Variants in BICDL1 observed in about 807,000 individuals in gnomAD.
The protein encoded by BICDL1 is BICD family like cargo adaptor 1, also known as BICD family-like cargo adapter 1.
BICDL1 carries 20 observed loss-of-function variants against 76.8 expected under a neutral mutation model. The observed-to-expected ratio is 0.26, with a 90% CI of 0.18 to 0.38. The LOEUF (loss-of-function observed/expected upper bound fraction) is 0.38. Ranked by LOEUF, BICDL1 falls within the 10% of genes least tolerant of loss-of-function variation. The pLI, the probability that BICDL1 is intolerant of heterozygous loss-of-function variation, is 1.00. For synonymous variants in BICDL1, 383 were observed against 337.1 expected (o/e 1.14, Z -1.49); for missense variants, 700 against 798.6 (o/e 0.88, Z 1.49).
intron 7 of BICDL1, 110 bp from the exon 8 acceptor site, chr12:120,080,777 C>G: frequency 8.2e-7 from 1 of 1,220,928 alleles, no homozygotes; most frequent in South Asian, 1.5e-5. Context: ...CAGCTTGCAC[C>G]CCCACACATG....
chr12:119,999,842 A>C (rs1165489401), intron 2 of BICDL1: 2 of 431,370 alleles, frequency 4.6e-6, no homozygotes, highest in African/African-American at 2.1e-5. Flanking sequence ...CAGTTACCGG[A>C]GGAAAAAGAA....
At position 119,990,303 on chromosome 12, in the gene BICDL1, G is replaced by A. The variant is rs1288054020; in HGVS notation, c.429+6G>A. 1 of 1,557,428 alleles carries A rather than the reference G, an allele frequency of 6.4e-7. No homozygotes were observed. The highest frequency in any genetic ancestry group is 8.7e-7 in the Non-Finnish European group (1 of 1,151,390). ...AGCTGACAGACAAGCTCGAGGTGAG[G>A]ACCTCCCTCCAGGGATGGGTGGGGA... On this transcript the variant is annotated splice_donor_region_variant and intron_variant, in intron 1 of 9. Coordinates refer to ENST00000548673, the MANE Select transcript of BICDL1 (RefSeq NM_001367886.1).
Position 120,061,510 on chromosome 12 carries a change from G to T in BICDL1, c.646-200G>T, listed in dbSNP as rs1025740565. Among the ~76,000 whole-genome samples, 4 of 151,874 alleles carry T rather than the reference G, an allele frequency of 2.6e-5. No homozygotes were observed. In the East Asian group the frequency reaches 5.8e-4, roughly 22 times the overall value. ...AGTAGAGTGGTCTTGCACCTATTCA[G>T]GGTCATTAATGGTAGAGGTGGGGGT... On this transcript the variant is annotated intron_variant, in intron 2 of 9. Coordinates refer to ENST00000548673, the MANE Select transcript of BICDL1 (RefSeq NM_001367886.1).
intron 4 of BICDL1, among the ~76,000 whole-genome samples, chr12:120,065,425 G>A (rs1953199625): frequency 6.6e-6 from 1 of 152,118 alleles, no homozygotes; most frequent in African/African-American, 2.4e-5. Context: ...TCTTTCTGAA[G>A]GAAATTGCTT....
intron 2 of BICDL1, among the ~76,000 whole-genome samples, chr12:120,049,623 T>C (rs1952815090): frequency 6.6e-6 from 1 of 152,216 alleles, no homozygotes; most frequent in South Asian, 2.1e-4. Context: ...AGTTTGTGAA[T>C]TGGTGTCTTT....
rs1276549045 is a variant in BICDL1 at position 119,989,786 on chromosome 12, G to C, written c.-83G>C. On this transcript the variant is annotated 5_prime_UTR_variant, in exon 1 of 10. Transcript: ENST00000548673. ...GCGCGAGGCGAGGCGCGGGACGCGGGGCGGCGCGGCAGGGCCCCTCCCCCC... is the reference window on the plus strand; with the variant it reads ...GCGCGAGGCGAGGCGCGGGACGCGGCGCGGCGCGGCAGGGCCCCTCCCCCC... 1.4e-5 allele frequency: 8 copies of C among 569,044 alleles called. No individual in the cohort carries two copies. In the African/African-American group the frequency reaches 1.5e-4, roughly 10 times the overall value. 35.2% of individuals were successfully genotyped at this position (569,044 alleles called of 1,614,324 possible).
rs145633677 is a variant in BICDL1 at position 120,058,132 on chromosome 12, C to T, written c.646-3578C>T. Among the ~76,000 whole-genome samples the T allele has an allele frequency of 2.3e-3, 343 of 152,172 alleles. 1 individual carries two copies. Among genetic ancestry groups the T allele is most frequent in the African/African-American group, 7.9e-3 (328 of 41,522 alleles). ...ACAGGCATGAGCCACCGCGCCTGGCCGATTCCTGCTTCTTAAGGCTATTGT... is the reference window on the plus strand; with the variant it reads ...ACAGGCATGAGCCACCGCGCCTGGCTGATTCCTGCTTCTTAAGGCTATTGT... On this transcript the variant is annotated intron_variant, in intron 2 of 9. Coordinates refer to ENST00000548673, the MANE Select transcript of BICDL1 (RefSeq NM_001367886.1).
chr12:120,008,158 T>C (rs949082772), intron 2 of BICDL1, among the ~76,000 whole-genome samples: 1 of 134,458 alleles, frequency 7.4e-6, no homozygotes, highest in Middle Eastern at 3.7e-3. Flanking sequence ...TTCTTTTTTT[T>C]TTTTTTTTTT....
chr12:120,064,244 G>C (rs530381012), intron 3 of BICDL1, among the ~76,000 whole-genome samples: 2 of 152,206 alleles, frequency 1.3e-5, no homozygotes, highest in South Asian at 4.2e-4. Flanking sequence ...GTGCCAGAGG[G>C]GCCAGGAGCG....
chr12:120,070,276 G>T (rs1288026481), intron 4 of BICDL1, among the ~76,000 whole-genome samples: 1 of 152,086 alleles, frequency 6.6e-6, no homozygotes, highest in African/African-American at 2.4e-5. Context: ...GATATTATTT[G>T]TATTATTTAT....
chr12:120,057,900 G>A (rs954895943), intron 2 of BICDL1, among the ~76,000 whole-genome samples: 1 of 143,618 alleles, frequency 7.0e-6, no homozygotes, highest in Middle Eastern at 3.8e-3. Context: ...GCGCGATCTC[G>A]GCACGCTGCA....
chr12:120,072,475 A>G (rs998957835), intron 5 of BICDL1, 36 bp from the exon 6 acceptor site: 3 of 1,599,200 alleles, frequency 1.9e-6, no homozygotes, highest in Non-Finnish European at 2.6e-6. Context: ...AGTCTTCTCT[A>G]GAGTCTGAAA....
intron 2 of BICDL1, among the ~76,000 whole-genome samples, chr12:120,001,107 C>T (rs1329250187): frequency 1.3e-5 from 2 of 151,974 alleles, no homozygotes; most frequent in African/African-American, 2.4e-5. Context: ...CAAGCAGGAC[C>T]AGCCCCTGGG....
intron 2 of BICDL1, among the ~76,000 whole-genome samples, chr12:120,034,997 ATACT>A (rs1452521621): frequency 6.6e-6 from 1 of 152,196 alleles, no homozygotes; most frequent in African/African-American, 2.4e-5. Context: ...CACAAAGAAG[ATACT>A]TAGAGTTAGG....
intron 7 of BICDL1, among the ~76,000 whole-genome samples, chr12:120,078,908 G>C (rs1488684297): frequency 2.0e-5 from 3 of 152,252 alleles, no homozygotes; most frequent in Admixed American, 6.5e-5. Flanking sequence ...AGGTCTGGCT[G>C]TCTCTTCCAG....
Position 119,989,490 on chromosome 12 carries a change from A to G in BICDL1, c.-379A>G, listed in dbSNP as rs1594076926. Among the ~76,000 whole-genome samples the G allele has an allele frequency of 8.7e-6, 1 of 114,952 alleles. No individual in the cohort carries two copies. Among genetic ancestry groups the G allele is most frequent in the Non-Finnish European group, 1.8e-5 (1 of 54,080 alleles). 75.4% of individuals were successfully genotyped at this position (114,952 alleles called of 152,430 possible). On this transcript the variant is annotated 5_prime_UTR_variant, in exon 1 of 10. Coordinates refer to ENST00000548673, the MANE Select transcript of BICDL1 (RefSeq NM_001367886.1). ...AGCAGCAGCAGCAGCGGCAGCGGCAACAGGGCGGCTGAGAACCCGGCGGCG... is the reference window on the plus strand; with the variant it reads ...AGCAGCAGCAGCAGCGGCAGCGGCAGCAGGGCGGCTGAGAACCCGGCGGCG...
chr12:120,041,421 T>C (rs554534963), intron 2 of BICDL1, among the ~76,000 whole-genome samples: 1 of 152,288 alleles, frequency 6.6e-6, no homozygotes, highest in Admixed American at 6.5e-5. Context: ...AATATAGACA[T>C]GTTTTCCCTG....
intron 2 of BICDL1, among the ~76,000 whole-genome samples, chr12:120,051,050 G>A (rs144926570): frequency 1.2e-3 from 173 of 149,468 alleles, no homozygotes; most frequent in African/African-American, 4.2e-3. Flanking sequence ...CTTTTCCCCC[G>A]AGACAGAGTC....
Position 119,998,649 on chromosome 12 carries a change from T to G in BICDL1, c.558T>G (p.Ile186Met). The G allele has an allele frequency of 6.2e-7, 1 of 1,614,014 alleles. No homozygotes were observed. ...AGGATGAGTTGGAGAGGCAGCAGAT[T>G]CATCTGCGGGAAGCAGATCGAGAAA... Reference protein sequence around the residue: ...QLQDELERQQIHLREADREKS... With the variant: ...QLQDELERQQMHLREADREKS... Residue 186 changes from isoleucine (I) to methionine (M), a missense_variant, in exon 2 of 10, where the codon ATT becomes ATG. Ile to Met is a conservative substitution (Grantham distance 10). Around this residue, in one of 3 missense-constraint regions of BICDL1, gnomAD observed 455 missense variants for 548.7 expected, o/e 0.83. Transcript: ENST00000548673.
Sources: allele counts gnomAD v4.1 joint callset (sites outside exome capture counted in the v4.1 genomes callset), GRCh38; gene constraint gnomAD v4.1.1; regional missense constraint gnomAD v4.1.1; transcripts MANE v1.5; gene names NCBI Gene and HGNC (gene_info 2026-07-23, HGNC 2026-07-21).